The following CNTN5 variants were observed in gnomAD, a reference collection of about 807,000 sequenced individuals.
The protein encoded by CNTN5 is contactin 5.
Under a neutral mutation model 129.1 loss-of-function variants are expected in CNTN5, and 77 were observed. That is an observed-to-expected ratio of 0.60 (90% CI 0.50 to 0.72). CNTN5 has a LOEUF of 0.72. Among genes scored for constraint, CNTN5 ranks in the 30% least tolerant of loss-of-function variants. The probability of loss-of-function intolerance (pLI) is 0.00; values close to 1 mark genes in which losing one functional copy is unlikely to be tolerated. For missense variants in CNTN5, 1,478 were observed against 1,328.8 expected (o/e 1.11, Z -1.75); for synonymous variants, 509 against 465.6 (o/e 1.09, Z -1.20).
intron 13 of CNTN5, among the ~76,000 whole-genome samples, chr11:100,125,973 C>T (rs1338881317): frequency 6.6e-6 from 1 of 151,934 alleles, no homozygotes; most frequent in African/African-American, 2.4e-5. Context: ...ATTGATTTTT[C>T]TGCATCCCAG....
chr11:99,820,315 C>G (rs1420520126), intron 4 of CNTN5, among the ~76,000 whole-genome samples: 2 of 152,294 alleles, frequency 1.3e-5, no homozygotes, highest in East Asian at 3.8e-4. Context: ...AAACATAAAA[C>G]AGACCTATCC....
chr11:99,917,484 AGG>A (rs937083863), intron 7 of CNTN5, among the ~76,000 whole-genome samples: 2 of 152,096 alleles, frequency 1.3e-5, no homozygotes, highest in Non-Finnish European at 2.9e-5. Flanking sequence ...ATTTCATCCA[AGG>A]GGGTTATTAG....
At chr11:99,379,771 G>A (rs758448587) in intron 2 of CNTN5, among the ~76,000 whole-genome samples, 3 of 152,132 alleles carry the variant, frequency 2.0e-5, no homozygotes, top group African/African-American at 7.2e-5. Flanking sequence ...GCTTTGGTGG[G>A]TGACAGAATC....
At chr11:99,984,508 GT>G (rs1448967718) in intron 8 of CNTN5, among the ~76,000 whole-genome samples, 2 of 150,558 alleles carry the variant, frequency 1.3e-5, no homozygotes, top group African/African-American at 2.4e-5. Flanking sequence ...TTTTGTTTTT[GT>G]TTTTGTTTTC....
intron 13 of CNTN5, among the ~76,000 whole-genome samples, chr11:100,112,438 TA>T (rs1270092408): frequency 1.1e-4 from 16 of 152,168 alleles, no homozygotes; most frequent in Non-Finnish European, 1.9e-4. Flanking sequence ...AATTCTATTT[TA>T]AAACATGAAT....
intron 4 of CNTN5, among the ~76,000 whole-genome samples, chr11:99,833,815 A>G (rs1312714190): frequency 6.6e-6 from 1 of 152,146 alleles, no homozygotes; most frequent in Non-Finnish European, 1.5e-5. Context: ...AACTTTAGGC[A>G]GCCATTGTCT....
chr11:99,774,704 T>A (rs553023109), intron 3 of CNTN5, among the ~76,000 whole-genome samples: 1 of 152,000 alleles, frequency 6.6e-6, no homozygotes, highest in Non-Finnish European at 1.5e-5. Context: ...TATTCTGTCC[T>A]GTTACTTCAA....
At chr11:100,150,299 A>G (rs1947011401) in intron 13 of CNTN5, among the ~76,000 whole-genome samples, 1 of 152,158 alleles carries the variant, frequency 6.6e-6, no homozygotes, top group African/African-American at 2.4e-5. Context: ...TTAGACACAT[A>G]TATATGTAAG....
chr11:99,232,262 T>C (rs879105271), intron 1 of CNTN5, among the ~76,000 whole-genome samples: 1 of 152,246 alleles, frequency 6.6e-6, no homozygotes, highest in Non-Finnish European at 1.5e-5. Context: ...TTTCATGATA[T>C]TGATTTTTTC....
intron 13 of CNTN5, among the ~76,000 whole-genome samples, chr11:100,077,326 C>T (rs1346424552): frequency 6.6e-6 from 1 of 152,128 alleles, no homozygotes; most frequent in Non-Finnish European, 1.5e-5. Context: ...ATATGATCTA[C>T]ATCAAATATG....
intron 1 of CNTN5, among the ~76,000 whole-genome samples, chr11:99,268,761 G>T (rs1863026435): frequency 6.6e-6 from 1 of 151,980 alleles, no homozygotes; most frequent in Non-Finnish European, 1.5e-5. Flanking sequence ...GGCTTAGAGT[G>T]TAGTTACATA....
At chr11:99,426,375 C>T (rs975974852) in intron 2 of CNTN5, among the ~76,000 whole-genome samples, 1 of 152,168 alleles carries the variant, frequency 6.6e-6, no homozygotes, top group African/African-American at 2.4e-5. Context: ...AAAACTCTGA[C>T]TCTTTTAGAA....
chr11:99,149,464 T>C (rs1484393143), intron 1 of CNTN5, among the ~76,000 whole-genome samples: 2 of 152,130 alleles, frequency 1.3e-5, no homozygotes, highest in Non-Finnish European at 2.9e-5. Flanking sequence ...TTGTGAAGAA[T>C]AGAGGCTTAT....
At chr11:99,870,602 C>T (rs1003178320) in intron 6 of CNTN5, among the ~76,000 whole-genome samples, 3 of 152,092 alleles carry the variant, frequency 2.0e-5, no homozygotes, top group African/African-American at 7.2e-5. Context: ...AGTAAACATT[C>T]TACCATCAAT....
chr11:99,359,887 GA>G (rs1938982883), intron 2 of CNTN5, among the ~76,000 whole-genome samples: 1 of 151,958 alleles, frequency 6.6e-6, no homozygotes, highest in Admixed American at 6.6e-5. Flanking sequence ...AAGTATATAT[GA>G]AAAAAACTTA....
At chr11:99,433,744 C>A (rs1943491742) in intron 2 of CNTN5, among the ~76,000 whole-genome samples, 1 of 152,040 alleles carries the variant, frequency 6.6e-6, no homozygotes, top group South Asian at 2.1e-4. Context: ...GAAGTCAATT[C>A]AATCAATACA....
chr11:99,215,847 T>C (rs867469626), intron 1 of CNTN5, among the ~76,000 whole-genome samples: 36 of 152,168 alleles, frequency 2.4e-4, no homozygotes, highest in Admixed American at 2.3e-3. Context: ...TCTGGTGAGA[T>C]GCTTAAGCAT....
chr11:99,452,102 C>T (rs1944324561), intron 2 of CNTN5, among the ~76,000 whole-genome samples: 1 of 152,014 alleles, frequency 6.6e-6, no homozygotes, highest in South Asian at 2.1e-4. Context: ...TTACATAATT[C>T]AAAATTCCTT....
intron 23 of CNTN5, among the ~76,000 whole-genome samples, chr11:100,347,267 C>T (rs2139029765): frequency 6.6e-6 from 1 of 152,210 alleles, no homozygotes; most frequent in African/African-American, 2.4e-5. Flanking sequence ...CTGTATTTCT[C>T]TAGCTTCTTG....
Sources: allele counts gnomAD v4.1 joint callset (sites outside exome capture counted in the v4.1 genomes callset), GRCh38; gene constraint gnomAD v4.1.1; transcripts MANE v1.5; gene names NCBI Gene and HGNC (gene_info 2026-07-23, HGNC 2026-07-21).